The following EEFSEC variants were observed in gnomAD, a reference collection of about 807,000 sequenced individuals.
EEFSEC encodes eukaryotic elongation factor, selenocysteine-tRNA specific, also known as selenocysteine-specific elongation factor.
EEFSEC carries 43 observed loss-of-function variants against 42.1 expected under a neutral mutation model. That is an observed-to-expected ratio of 1.02 (90% confidence interval 0.80 to 1.32). The LOEUF is 1.32. EEFSEC is among the 40% of genes most tolerant of loss of function. The pLI is 0.00. For synonymous variants in EEFSEC, 354 were observed against 339.1 expected, an observed-to-expected ratio of 1.04 and a Z score of -0.48; for missense variants, 745 against 803.6, an observed-to-expected ratio of 0.93 and a Z score of 0.88.
intron 6 of EEFSEC, among the ~76,000 whole-genome samples, chr3:128,399,118 C>A (rs986865334): frequency 4.6e-5 from 7 of 151,732 alleles, no homozygotes; most frequent in African/African-American, 1.2e-4. Flanking sequence ...TAAAAAAAAA[C>A]CCTTCCATCC....
chr3:128,415,613 C>T, the EEFSEC span, among the ~76,000 whole-genome samples: 1 of 152,240 alleles, frequency 6.6e-6, no homozygotes, highest in Non-Finnish European at 1.5e-5. Flanking sequence ...TGTCTCCAGG[C>T]CTTTGCTGGT....
rs575271370 is a variant in EEFSEC, at chr3:128,161,277, GT to G, written c.316+7455del. Among the ~76,000 whole-genome samples, 298 of 152,264 alleles carry G rather than the reference GT, an allele frequency of 2.0e-3. 1 individual carries two copies. Among genetic ancestry groups the G allele is most frequent in the African/African-American group, 6.8e-3 (284 of 41,546 alleles). Reference sequence around the variant, plus strand: ...AGTAATGTATGTTTTAAAGACTTGGGTGGGTGTGAGGGACTTAGACTCATCC... The same window carrying G: ...AGTAATGTATGTTTTAAAGACTTGGGGGGTGTGAGGGACTTAGACTCATCC... On this transcript the variant is annotated intron_variant, in intron 1 of 6. Transcript: ENST00000254730.
intron 5 of EEFSEC, among the ~76,000 whole-genome samples, chr3:128,352,926 A>G (rs1343275361): frequency 1.3e-5 from 2 of 152,198 alleles, no homozygotes; most frequent in African/African-American, 4.8e-5. Context: ...CCAGGTTCTA[A>G]CCTGTGATGT....
chr3:128,251,051 T>C (rs979681952), intron 2 of EEFSEC, among the ~76,000 whole-genome samples: 1 of 152,114 alleles, frequency 6.6e-6, no homozygotes, highest in Non-Finnish European at 1.5e-5. Flanking sequence ...GGATTGTTCA[T>C]TGCTGGTGGA....
rs781165884 is a variant in EEFSEC at position 128,262,219 on chromosome 3, ATT to A, written c.617_618del (p.Ile206ArgfsTer48). The A allele has an allele frequency of 3.4e-5, 55 of 1,613,420 alleles. No individual in the cohort carries two copies. The highest frequency in any genetic ancestry group is 4.6e-5 in the Non-Finnish European group (54 of 1,179,482). On this transcript the variant is annotated frameshift_variant, in exon 3 of 7. Coordinates refer to ENST00000254730, the MANE Select transcript of EEFSEC (RefSeq NM_021937.5). LOFTEE classifies it high-confidence loss of function. Reference sequence around the variant, plus strand: ...AGCTCCACAGGGCATTCCAGAGCTCATTGAGGTACTGTCATCTTGAATCCAGG... The same window carrying A: ...AGCTCCACAGGGCATTCCAGAGCTCAGAGGTACTGTCATCTTGAATCCAGG... ...TEAPQGIPEL[I>X]ELLTSQISIP...
chr3:128,417,760 C>CT, the EEFSEC span, among the ~76,000 whole-genome samples: 2 of 152,254 alleles, frequency 1.3e-5, no homozygotes, highest in East Asian at 3.9e-4. This position sits in a 1 kb window ranked among gnomAD's most constrained non-coding sequence, Gnocchi z 4.3. Context: ...ATTGCCGTAA[C>CT]TGTTACTGGC....
chr3:128,354,060 C>T (rs1010635035), intron 5 of EEFSEC, among the ~76,000 whole-genome samples: 7 of 152,136 alleles, frequency 4.6e-5, no homozygotes, highest in African/African-American at 1.7e-4. Flanking sequence ...CTCTGTGGGA[C>T]TGACACAAAT....
chr3:128,164,314 C>T (rs1374325567), intron 1 of EEFSEC, among the ~76,000 whole-genome samples: 2 of 152,222 alleles, frequency 1.3e-5, no homozygotes, highest in Non-Finnish European at 2.9e-5. Flanking sequence ...GCAGTGCCAG[C>T]AGCCAGTTTA....
At chr3:128,292,338 GAGA>G (rs1406999530) in intron 4 of EEFSEC, among the ~76,000 whole-genome samples, 10 of 151,940 alleles carry the variant, frequency 6.6e-5, no homozygotes, top group African/African-American at 1.2e-4. Flanking sequence ...CTCATAAAAA[GAGA>G]AGAAGTTTTT....
At chr3:128,417,862 C>T in the EEFSEC span, among the ~76,000 whole-genome samples, 1 of 152,062 alleles carries the variant, frequency 6.6e-6, no homozygotes, top group Non-Finnish European at 1.5e-5. The surrounding 1 kb of genome is among the most constrained non-coding windows in gnomAD (Gnocchi z 4.3). Flanking sequence ...TGCCATGCTG[C>T]ACCCCAGGTC....
At chr3:128,210,860 G>A (rs781571666) in intron 1 of EEFSEC, among the ~76,000 whole-genome samples, 44 of 152,236 alleles carry the variant, frequency 2.9e-4, no homozygotes, top group Non-Finnish European at 6.0e-4. Flanking sequence ...CATCAGGCCA[G>A]CTGGGCATCA....
intron 6 of EEFSEC, among the ~76,000 whole-genome samples, chr3:128,362,933 C>T (rs1413227883): frequency 3.3e-5 from 5 of 152,128 alleles, no homozygotes; most frequent in African/African-American, 9.7e-5. Context: ...TCTTTAATAA[C>T]CTTTTGATTA....
chr3:128,369,441 C>G (rs185401058), intron 6 of EEFSEC, among the ~76,000 whole-genome samples: 1 of 152,356 alleles, frequency 6.6e-6, no homozygotes, highest in Admixed American at 6.5e-5. Context: ...TGGGGCAACC[C>G]CAATAACCTG....
At chr3:128,255,482 G>A (rs2066232496) in intron 2 of EEFSEC, among the ~76,000 whole-genome samples, 1 of 152,170 alleles carries the variant, frequency 6.6e-6, no homozygotes, top group African/African-American at 2.4e-5. Flanking sequence ...TCCTCTTAGT[G>A]TCACATGGAA....
At chr3:128,243,210 A>G (rs549617085) in intron 1 of EEFSEC, among the ~76,000 whole-genome samples, 1 of 152,346 alleles carries the variant, frequency 6.6e-6, no homozygotes, top group South Asian at 2.1e-4. Flanking sequence ...GGGTCCGCTC[A>G]AGAGCCTGGC....
intron 4 of EEFSEC, among the ~76,000 whole-genome samples, chr3:128,313,416 G>A (rs754187656): frequency 7.2e-5 from 11 of 152,248 alleles, no homozygotes; most frequent in Admixed American, 1.3e-4. Flanking sequence ...TGGGAGCCAC[G>A]GGTGGCATGT....
intron 1 of EEFSEC, among the ~76,000 whole-genome samples, chr3:128,246,243 C>T (rs2066125716): frequency 6.6e-6 from 1 of 151,994 alleles, no homozygotes; most frequent in South Asian, 2.1e-4. Context: ...CACACACACA[C>T]ACACACACGC....
At chr3:128,402,535 T>C (rs1029164545) in intron 6 of EEFSEC, among the ~76,000 whole-genome samples, 1 of 152,234 alleles carries the variant, frequency 6.6e-6, no homozygotes, top group African/African-American at 2.4e-5. Context: ...GCTCTGCCTG[T>C]AAATAGCCGT....
Position 128,408,323 on chromosome 3 carries a change from C to A in EEFSEC, c.*64C>A. The A allele has an allele frequency of 6.9e-7, 1 of 1,457,850 alleles. No individual in the cohort carries two copies. Among genetic ancestry groups the A allele is most frequent in the Non-Finnish European group, 9.2e-7 (1 of 1,087,850 alleles). The allele number at this position is 1,457,850 out of a possible 1,614,324, so 90.3% of individuals were successfully genotyped here. A position where few individuals can be genotyped will look rare whatever the true frequency, so the allele number is the denominator to read the frequency against. On this transcript the variant is annotated 3_prime_UTR_variant, in exon 7 of 7. Coordinates refer to ENST00000254730, the MANE Select transcript of EEFSEC (RefSeq NM_021937.5). ...CAGTCCAGGCTGCTGTGCCAAATCC[C>A]AACCAGCCACGCCTCAGCCTCTCCC... is the stretch of plus-strand genomic sequence containing the variant.
Sources: gnomAD v4.1 joint callset for allele counts (sites outside exome capture counted in the v4.1 genomes callset) on GRCh38, gnomAD v4.1.1 for gene constraint, Gnocchi (gnomAD v3.1) non-coding constraint, MANE v1.5 for transcripts, NCBI Gene and HGNC (gene_info 2026-07-23, HGNC 2026-07-21) for gene names.